Variants in MEIS2 observed in about 807,000 individuals in gnomAD.
MEIS2 encodes homeobox protein Meis2.
In MEIS2, 9 loss-of-function variants were observed where a neutral mutation model predicts 58.6. The ratio of observed to expected loss-of-function variants is 0.15; its 90% CI spans 0.09 to 0.27. The LOEUF (loss-of-function observed/expected upper bound fraction) is 0.27, where lower values mean the gene tolerates loss of function less well. Among genes scored for constraint, MEIS2 ranks in the 10% least tolerant of loss-of-function variants. The pLI is 1.00. For missense variants in MEIS2, 427 were observed against 635.0 expected (o/e 0.67, Z 3.52); for synonymous variants, 221 against 228.4 (o/e 0.97, Z 0.29).
chr15:36,893,616 A>T (rs2056005844), intron 11 of MEIS2, among the ~76,000 whole-genome samples: 1 of 152,260 alleles, frequency 6.6e-6, no homozygotes, highest in South Asian at 2.1e-4. Flanking sequence ...GTAATTGGTC[A>T]TGAAGCATAA....
Position 37,093,561 on chromosome 15 carries a change from C to T in MEIS2, c.639+20G>A, listed in dbSNP as rs367584685. ...TTTGCCCAGTGGCCTTAAAAGATTG[C>T]TAAAGGCTAGCAGACTTACATGGTC... On this transcript the variant is annotated intron_variant, in intron 6 of 11. Transcript: ENST00000561208. 103 of 1,613,188 alleles carry T rather than the reference C, an allele frequency of 6.4e-5. No homozygotes were observed. The highest frequency in any genetic ancestry group is 8.5e-5 in the Non-Finnish European group (100 of 1,179,396).
intron 11 of MEIS2, chr15:36,894,661 A>G: frequency 9.3e-6 from 13 of 1,396,720 alleles, no homozygotes; most frequent in Non-Finnish European, 4.0e-6. Flanking sequence ...ATTATAAAAA[A>G]TAAAATAAAG....
chr15:36,988,830 G>T (rs1732903145), intron 8 of MEIS2, among the ~76,000 whole-genome samples: 1 of 152,070 alleles, frequency 6.6e-6, no homozygotes, highest in Non-Finnish European at 1.5e-5. Context: ...TTTTAAGAGG[G>T]TTAATTCATT....
At chr15:36,944,660 T>C (rs1279991625) in intron 9 of MEIS2, among the ~76,000 whole-genome samples, 9 of 152,138 alleles carry the variant, frequency 5.9e-5, no homozygotes, top group Admixed American at 5.9e-4. Flanking sequence ...ATGCTGACAA[T>C]GAATCTAGCA....
intron 9 of MEIS2, among the ~76,000 whole-genome samples, chr15:36,915,564 C>T (rs950789125): frequency 6.6e-5 from 10 of 152,198 alleles, no homozygotes; most frequent in Non-Finnish European, 1.3e-4. Flanking sequence ...TTGCCTTGCC[C>T]TGCCCACCTA....
intron 9 of MEIS2, among the ~76,000 whole-genome samples, chr15:36,938,488 T>C (rs1049074107): frequency 3.3e-5 from 5 of 152,202 alleles, no homozygotes; most frequent in African/African-American, 1.2e-4. Context: ...TTTCGTCCCA[T>C]GCTGAATTAG....
chr15:37,028,505 G>A (rs184040965), intron 8 of MEIS2, among the ~76,000 whole-genome samples: 1 of 152,290 alleles, frequency 6.6e-6, no homozygotes, highest in East Asian at 1.9e-4. Flanking sequence ...CTCTTCTAGA[G>A]GAGCTTCTAG....
At chr15:37,076,140 A>C (rs548260869) in intron 7 of MEIS2, among the ~76,000 whole-genome samples, 1 of 152,124 alleles carries the variant, frequency 6.6e-6, no homozygotes, top group East Asian at 1.9e-4. Context: ...TTTAAAGGCC[A>C]AATTAAAAGC....
intron 8 of MEIS2, among the ~76,000 whole-genome samples, chr15:37,003,770 A>C (rs894970900): frequency 2.0e-5 from 3 of 152,186 alleles, no homozygotes; most frequent in African/African-American, 7.2e-5. Context: ...GCCTTCCAGT[A>C]GGTGATTAGG....
At chr15:36,894,354 G>A (rs1189394788) in intron 11 of MEIS2, 5 of 155,164 alleles carry the variant, frequency 3.2e-5, no homozygotes, top group South Asian at 1.9e-4. Context: ...TTTTTTTATC[G>A]CTTCATTGAA....
At chr15:37,069,754 G>A (rs1890442499) in intron 7 of MEIS2, among the ~76,000 whole-genome samples, 1 of 152,138 alleles carries the variant, frequency 6.6e-6, no homozygotes. Context: ...GACAGTAGAT[G>A]CAACACCCAT....
intron 10 of MEIS2, 108 bp downstream of exon 10, chr15:36,896,520 G>T: frequency 1.2e-6 from 1 of 838,674 alleles, no homozygotes; most frequent in Non-Finnish European, 1.8e-6. Context: ...AAAAAATCCA[G>T]AATGCCTGGT....
intron 7 of MEIS2, chr15:37,050,851 G>C (rs1352320527): frequency 6.6e-6 from 1 of 152,214 alleles, no homozygotes; most frequent in African/African-American, 2.4e-5. Context: ...AAGTGAAAGA[G>C]TGTGAGTGAA....
intron 9 of MEIS2, among the ~76,000 whole-genome samples, chr15:36,943,982 A>C (rs772583415): frequency 1.6e-4 from 25 of 152,086 alleles, no homozygotes; most frequent in Non-Finnish European, 3.2e-4. Context: ...TCTACAAGAT[A>C]GAAGGGTGTC....
upstream of MEIS2, chr15:37,100,745 TGC>T (rs903217897): frequency 1.3e-4 from 18 of 142,374 alleles, no homozygotes; most frequent in Non-Finnish European, 2.0e-4. Context: ...GCGTGTGTGT[TGC>T]GCGCGCGCGC....
intron 8 of MEIS2, among the ~76,000 whole-genome samples, chr15:37,023,787 TAAGTG>T (rs2061603608): frequency 6.6e-6 from 1 of 152,150 alleles, no homozygotes; most frequent in Admixed American, 6.5e-5. Context: ...TTCCTAGTCA[TAAGTG>T]AAGAGAAGCT....
At chr15:37,099,386 G>T (rs1894828473) in intron 1 of MEIS2, 69 bp downstream of exon 1, 2 of 1,604,488 alleles carry the variant, frequency 1.2e-6, no homozygotes, top group East Asian at 2.2e-5. Flanking sequence ...GAAGGGAGAG[G>T]AGGCATCGGG....
intron 9 of MEIS2, among the ~76,000 whole-genome samples, chr15:36,931,954 G>A (rs2057997110): frequency 6.6e-6 from 1 of 152,178 alleles, no homozygotes; most frequent in Non-Finnish European, 1.5e-5. Flanking sequence ...GGGACGCTAA[G>A]GTGGTGACAA....
chr15:37,099,749 C>A lies in MEIS2; in HGVS notation c.-283G>T. 1 of 390,246 alleles carries A rather than the reference C, an allele frequency of 2.6e-6. No individual in the cohort carries two copies. Among genetic ancestry groups the A allele is most frequent in the Non-Finnish European group, 4.6e-6 (1 of 219,440 alleles). 24.2% of individuals were successfully genotyped at this position (390,246 alleles called of 1,614,324 possible). ...ACCTCCTCCTCCTCCCCCCTCCCCTCCTCCTCCTCTTCGGTCCTCCTTTCC... is the reference window on the plus strand; with the variant it reads ...ACCTCCTCCTCCTCCCCCCTCCCCTACTCCTCCTCTTCGGTCCTCCTTTCC... On this transcript the variant is annotated 5_prime_UTR_variant, in exon 1 of 12. Coordinates refer to ENST00000561208, the MANE Select transcript of MEIS2 (RefSeq NM_170675.5).
Sources: allele counts gnomAD v4.1 joint callset (sites outside exome capture counted in the v4.1 genomes callset), GRCh38; gene constraint gnomAD v4.1.1; transcripts MANE v1.5; gene names NCBI Gene and HGNC (gene_info 2026-07-23, HGNC 2026-07-21).